Variants in GRIA1 observed in about 807,000 individuals in gnomAD.
GRIA1 encodes glutamate ionotropic receptor AMPA type subunit 1, also known as glutamate receptor 1.
GRIA1 carries 31 observed loss-of-function variants against 99.2 expected under a neutral mutation model. The ratio of observed to expected loss-of-function variants is 0.31; its 90% CI spans 0.23 to 0.42. The LOEUF is 0.42. Among genes scored for constraint, GRIA1 ranks in the 10% least tolerant of loss-of-function variants. The probability of loss-of-function intolerance (pLI) is 1.00; values close to 1 mark genes in which losing one functional copy is unlikely to be tolerated. For synonymous variants in GRIA1, 438 were observed against 432.4 expected (o/e 1.01, Z -0.16); for missense variants, 782 against 1,157.5 (o/e 0.68, Z 4.71).
At chr5:153,721,230 C>CT (rs1561798705) in intron 11 of GRIA1, among the ~76,000 whole-genome samples, 1 of 152,152 alleles carries the variant, frequency 6.6e-6, no homozygotes, top group African/African-American at 2.4e-5. Flanking sequence ...ACTTCAACCT[C>CT]TTTTTTTACT....
intron 2 of GRIA1, among the ~76,000 whole-genome samples, chr5:153,494,974 T>G (rs1169501618): frequency 1.3e-5 from 2 of 152,184 alleles, no homozygotes; most frequent in African/African-American, 2.4e-5. Flanking sequence ...TGACTTCTGC[T>G]GAGCTGTCTC....
At chr5:153,619,713 A>AGG (rs1766850617) in intron 2 of GRIA1, among the ~76,000 whole-genome samples, 1 of 152,152 alleles carries the variant, frequency 6.6e-6, no homozygotes, top group South Asian at 2.1e-4. Flanking sequence ...AGAGAGAGAG[A>AGG]GAGAGAAGAT....
intron 11 of GRIA1, among the ~76,000 whole-genome samples, chr5:153,729,787 C>G (rs909837344): frequency 6.6e-6 from 1 of 152,066 alleles, no homozygotes; most frequent in Non-Finnish European, 1.5e-5. Flanking sequence ...CCATCATTTG[C>G]TGAAACCTCT....
intron 12 of GRIA1, 89 bp from the exon 13 acceptor site, chr5:153,770,079 G>A: frequency 7.6e-7 from 1 of 1,318,096 alleles, no homozygotes; most frequent in Non-Finnish European, 1.1e-6. Context: ...ATGAATGTGT[G>A]ATCAAGCTAC....
chr5:153,632,250 G>C (rs1044254036), intron 2 of GRIA1, among the ~76,000 whole-genome samples: 1 of 152,256 alleles, frequency 6.6e-6, no homozygotes, highest in Admixed American at 6.5e-5. Context: ...CAGGTGAGCA[G>C]TGGCAGAGCC....
chr5:153,761,103 A>G (rs1763156319), intron 11 of GRIA1, among the ~76,000 whole-genome samples: 1 of 152,152 alleles, frequency 6.6e-6, no homozygotes, highest in Admixed American at 6.6e-5. Flanking sequence ...ACGTTTCATG[A>G]TAGTGGTCTG....
At chr5:153,775,491 G>A (rs567256931) in intron 13 of GRIA1, among the ~76,000 whole-genome samples, 3 of 152,312 alleles carry the variant, frequency 2.0e-5, no homozygotes, top group Admixed American at 1.3e-4. Flanking sequence ...GGGGGCAGGA[G>A]TGCAGTACAG....
intron 11 of GRIA1, among the ~76,000 whole-genome samples, chr5:153,724,663 T>A (rs1166951273): frequency 1.3e-5 from 2 of 152,072 alleles, no homozygotes; most frequent in African/African-American, 4.8e-5. Flanking sequence ...GAAGATGAAA[T>A]GAATGAAATG....
intron 2 of GRIA1, among the ~76,000 whole-genome samples, chr5:153,636,682 A>G (rs1475789125): frequency 6.6e-6 from 1 of 152,268 alleles, no homozygotes; most frequent in African/African-American, 2.4e-5. Flanking sequence ...TAATGGCTAT[A>G]TGACCTTGTG....
Position 153,794,683 on chromosome 5 carries a change from A to G in GRIA1, c.2333A>G (p.Asn778Ser). Residue 778 changes from asparagine (N) to serine (S), a missense_variant, in exon 14 of 16, where the codon AAC becomes AGC. By Grantham distance (46) the Asn-to-Ser change is conservative. Coordinates refer to ENST00000285900, the MANE Select transcript of GRIA1 (RefSeq NM_000827.4). ...NEQGLLDKLK[N>S]KWWYDKGECG... ...CAGGGGCTTTTGGACAAATTGAAAA[A>G]CAAATGGTGGTACGACAAGGGCGAG... 1 of 1,613,936 alleles carries G rather than the reference A, an allele frequency of 6.2e-7. No homozygotes were observed. The highest frequency in any genetic ancestry group is 8.5e-7 in the Non-Finnish European group (1 of 1,179,896).
intron 13 of GRIA1, among the ~76,000 whole-genome samples, chr5:153,793,207 T>C (rs948986090): frequency 2.0e-5 from 3 of 152,194 alleles, no homozygotes; most frequent in African/African-American, 4.8e-5. Context: ...AAATGTTTGC[T>C]CTGTCAACTG....
chr5:153,627,920 C>CAG (rs10645444), intron 2 of GRIA1, among the ~76,000 whole-genome samples: 104,617 of 151,858 alleles, frequency 0.69, 36,345 homozygotes, highest in East Asian at 0.8. Flanking sequence ...ATCAGGCAGA[C>CAG]AGAGATTCCT....
intron 7 of GRIA1, among the ~76,000 whole-genome samples, chr5:153,683,170 T>C (rs1310784709): frequency 6.6e-6 from 1 of 152,192 alleles, no homozygotes; most frequent in African/African-American, 2.4e-5. Flanking sequence ...GGTTTCAAGA[T>C]ACACATTTCT....
chr5:153,760,433 AG>A (rs1763104586), intron 11 of GRIA1, among the ~76,000 whole-genome samples: 1 of 152,066 alleles, frequency 6.6e-6, no homozygotes, highest in Admixed American at 6.6e-5. Context: ...CCATTTACAT[AG>A]CTCCAAAAAA....
In GRIA1 at chr5:153,811,196, G is replaced by C. The variant is rs372524158; in HGVS notation, c.2692G>C (p.Gly898Arg). 1 of 1,614,110 alleles carries C rather than the reference G, an allele frequency of 6.2e-7. No individual in the cohort carries two copies. Among genetic ancestry groups the C allele is most frequent in the Non-Finnish European group, 8.5e-7 (1 of 1,180,000 alleles). Residue 898 changes from glycine (G) to arginine (R), a missense_variant, in exon 16 of 16, where the codon GGG (glycine) becomes CGG (arginine). Physicochemically the swap from Gly to Arg is moderately radical, Grantham distance 125 (BLOSUM62 -2). Coordinates refer to ENST00000285900, the MANE Select transcript of GRIA1 (RefSeq NM_000827.4). ...QSIPCMSHSSGMPLGATGL is the reference protein window; with the variant it reads ...QSIPCMSHSSRMPLGATGL ...GATTCCTTGCATGAGCCACAGTTCA[G>C]GGATGCCCTTGGGAGCCACGGGATT...
At chr5:153,800,337 A>G (rs1192489864) in intron 14 of GRIA1, among the ~76,000 whole-genome samples, 3 of 152,096 alleles carry the variant, frequency 2.0e-5, no homozygotes, top group Admixed American at 6.5e-5. Flanking sequence ...CTAAAGCATT[A>G]CTCTCCAGAG....
intron 2 of GRIA1, among the ~76,000 whole-genome samples, chr5:153,578,974 T>C (rs1267958440): frequency 6.6e-6 from 1 of 151,800 alleles, no homozygotes; most frequent in East Asian, 1.9e-4. Flanking sequence ...GACTCCCTTT[T>C]CTCTCCTGAA....
At chr5:153,491,640 G>A (rs1013040108) in intron 1 of GRIA1, among the ~76,000 whole-genome samples, 2 of 151,828 alleles carry the variant, frequency 1.3e-5, no homozygotes, top group South Asian at 2.1e-4. Flanking sequence ...CCTTTTCTCC[G>A]TTCCTTCCTT....
At chr5:153,578,338 T>G (rs548640057) in intron 2 of GRIA1, among the ~76,000 whole-genome samples, 2 of 152,218 alleles carry the variant, frequency 1.3e-5, no homozygotes, top group East Asian at 3.9e-4. Context: ...ATTTCAATGC[T>G]GGATGGTATT....
Sources: gnomAD v4.1 joint callset for allele counts (sites outside exome capture counted in the v4.1 genomes callset) on GRCh38, gnomAD v4.1.1 for gene constraint, MANE v1.5 for transcripts, NCBI Gene and HGNC (gene_info 2026-07-23, HGNC 2026-07-21) for gene names.